Variants in TMOD3 observed in about 807,000 individuals in gnomAD.
TMOD3 encodes tropomodulin 3.
TMOD3 carries 20 observed loss-of-function variants against 39.2 expected under a neutral mutation model. The ratio of observed to expected loss-of-function variants is 0.51; its 90% CI spans 0.36 to 0.74. The LOEUF is 0.74. Ranked by LOEUF, TMOD3 falls within the 30% of genes least tolerant of loss-of-function variation. The pLI, the probability that TMOD3 is intolerant of heterozygous loss-of-function variation, is 0.00. For missense variants in TMOD3, 381 were observed against 412.8 expected (o/e 0.92, Z 0.67); for synonymous variants, 143 against 145.8 (o/e 0.98, Z 0.14).
chr15:51,847,388 G>T (rs1419288763), intron 1 of TMOD3, among the ~76,000 whole-genome samples: 2 of 152,150 alleles, frequency 1.3e-5, no homozygotes, highest in Admixed American at 1.3e-4. Context: ...GAAAGACAGG[G>T]CTACTTAGGT....
At chr15:51,861,019 G>A in intron 1 of TMOD3, 2 of 695,628 alleles carry the variant, frequency 2.9e-6, no homozygotes, top group South Asian at 1.4e-5. Context: ...AAAACACCTT[G>A]TACCTGGTGT....
In TMOD3 at chr15:51,837,645, C is replaced by T. The variant is rs573496595; in HGVS notation, c.-75+7809C>T. On this transcript the variant is annotated intron_variant, in intron 1 of 9. Coordinates refer to ENST00000308580, the MANE Select transcript of TMOD3 (RefSeq NM_014547.5). ...GGACCAAGGCAGATGTGTAGGATTT[C>T]ACCTCTGCAAGGCCTTCGGGGCAGG... is the stretch of plus-strand genomic sequence containing the variant. 8.5e-5 allele frequency among the ~76,000 whole-genome samples: 13 copies of T among 152,300 alleles called. No homozygotes were observed. The South Asian group carries it at 2.7e-3, about 32-fold the overall frequency.
intron 1 of TMOD3, among the ~76,000 whole-genome samples, chr15:51,834,228 G>A (rs2056270080): frequency 6.6e-6 from 1 of 151,906 alleles, no homozygotes; most frequent in South Asian, 2.1e-4. Context: ...TTTTTATACA[G>A]TCTGTCCCTT....
At chr15:51,885,975 C>T (rs1392128912) in intron 3 of TMOD3, among the ~76,000 whole-genome samples, 1 of 151,126 alleles carries the variant, frequency 6.6e-6, no homozygotes, top group African/African-American at 2.4e-5. Flanking sequence ...CCCCCTACCT[C>T]CCTCCCGGAC....
In TMOD3 at chr15:51,910,293, G is replaced by A. The variant is rs1040139094; in HGVS notation, c.*1483G>A. The A allele has an allele frequency of 1.3e-5, 2 of 152,304 alleles. No homozygotes were observed. The highest frequency in any genetic ancestry group is 4.8e-5 in the African/African-American group (2 of 41,524). The allele number at this position is 152,304 out of a possible 1,614,324, so 9.4% of individuals were successfully genotyped here. On this transcript the variant is annotated 3_prime_UTR_variant, in exon 10 of 10. Coordinates refer to ENST00000308580, the MANE Select transcript of TMOD3 (RefSeq NM_014547.5). ...TTATTAATTTTTTTTAAACTTTTTGGGCCGGGCGCAGTGGCTCACGCCTGT... is the reference window on the plus strand; with the variant it reads ...TTATTAATTTTTTTTAAACTTTTTGAGCCGGGCGCAGTGGCTCACGCCTGT...
At chr15:51,889,348 A>G (rs545947021) in intron 5 of TMOD3, among the ~76,000 whole-genome samples, 2 of 152,224 alleles carry the variant, frequency 1.3e-5, no homozygotes, top group African/African-American at 4.8e-5. Context: ...CAAATGTAAT[A>G]AGAACCACTC....
At chr15:51,831,389 G>T (rs961305308) in intron 1 of TMOD3, among the ~76,000 whole-genome samples, 10 of 152,126 alleles carry the variant, frequency 6.6e-5, no homozygotes, top group African/African-American at 2.4e-4. Context: ...CAACAGAAAG[G>T]CCCTGAATGG....
intron 4 of TMOD3, 48 bp from the exon 5 acceptor site, chr15:51,889,008 A>G (rs984778120): frequency 3.2e-5 from 41 of 1,266,300 alleles, no homozygotes; most frequent in Non-Finnish European, 4.5e-5. Flanking sequence ...TAGTTGTAAA[A>G]CTCTTCATGT....
intron 1 of TMOD3, among the ~76,000 whole-genome samples, chr15:51,847,832 A>G (rs2056343249): frequency 6.6e-6 from 1 of 152,212 alleles, no homozygotes; most frequent in Admixed American, 6.5e-5. Flanking sequence ...ATGTGTGCCA[A>G]TACAGTGCTT....
intron 7 of TMOD3, among the ~76,000 whole-genome samples, chr15:51,899,651 G>A (rs2570220): frequency 0.049 from 7,353 of 150,456 alleles, 412 homozygotes; most frequent in African/African-American, 0.12. Context: ...GGGTGACAGG[G>A]CAAGACCCTG....
At position 51,887,548 on chromosome 15, in the gene TMOD3, T is replaced by C. The variant is rs373527228; in HGVS notation, c.284-41T>C. On this transcript the variant is annotated intron_variant, in intron 3 of 9. Transcript: ENST00000308580. Reference sequence around the variant, plus strand: ...CAAGGATAAAATGGTAATGAGTTGATAGCAGTAGTAATGGAATTAACAAAA... The same window carrying C: ...CAAGGATAAAATGGTAATGAGTTGACAGCAGTAGTAATGGAATTAACAAAA... 5.6e-6 allele frequency: 9 copies of C among 1,596,384 alleles called. No individual in the cohort carries two copies. In the African/African-American group the frequency reaches 9.5e-5, roughly 17 times the overall value.
chr15:51,839,238 T>C (rs2056301969), intron 1 of TMOD3, among the ~76,000 whole-genome samples: 1 of 149,532 alleles, frequency 6.7e-6, no homozygotes, highest in African/African-American at 2.5e-5. Flanking sequence ...GGTGTGATCA[T>C]AGGTCCCTGC....
intron 3 of TMOD3, among the ~76,000 whole-genome samples, chr15:51,879,999 A>G (rs1318327554): frequency 6.6e-6 from 1 of 152,194 alleles, no homozygotes; most frequent in Non-Finnish European, 1.5e-5. Flanking sequence ...TATAAGGGAG[A>G]TCTATTGAAT....
chr15:51,871,834 G>A (rs570790735), intron 3 of TMOD3, among the ~76,000 whole-genome samples: 2 of 152,130 alleles, frequency 1.3e-5, no homozygotes, highest in Non-Finnish European at 2.9e-5. Context: ...TTTTAGATGG[G>A]TAAGAATAAA....
intron 3 of TMOD3, among the ~76,000 whole-genome samples, chr15:51,877,977 C>A (rs2056513609): frequency 6.6e-6 from 1 of 152,154 alleles, no homozygotes. Context: ...TGACCCTCTG[C>A]ACAACTCCTG....
intron 3 of TMOD3, among the ~76,000 whole-genome samples, chr15:51,873,108 G>T (rs919323757): frequency 6.6e-6 from 1 of 152,278 alleles, no homozygotes; most frequent in East Asian, 1.9e-4. Context: ...AAAGCAGTTA[G>T]CCTTAGTTAT....
intron 1 of TMOD3, among the ~76,000 whole-genome samples, chr15:51,847,106 A>G (rs2056339754): frequency 6.6e-6 from 1 of 152,336 alleles, no homozygotes; most frequent in East Asian, 1.9e-4. Flanking sequence ...CACCTACAAG[A>G]GAGCCACGAA....
At chr15:51,893,074 G>A (rs1488104092) in intron 5 of TMOD3, among the ~76,000 whole-genome samples, 1 of 149,260 alleles carries the variant, frequency 6.7e-6, no homozygotes, top group African/African-American at 2.5e-5. Flanking sequence ...GGCAGGCAGA[G>A]CACTTGAGGC....
intron 3 of TMOD3, among the ~76,000 whole-genome samples, 184 bp downstream of exon 3, chr15:51,869,557 G>T (rs924770331): frequency 7.9e-5 from 12 of 152,120 alleles, no homozygotes; most frequent in Non-Finnish European, 1.8e-4. Flanking sequence ...TGGTCAATAA[G>T]TTTCTTCTTA....
Sources: allele counts gnomAD v4.1 joint callset (sites outside exome capture counted in the v4.1 genomes callset), GRCh38; gene constraint gnomAD v4.1.1; transcripts MANE v1.5; gene names NCBI Gene and HGNC (gene_info 2026-07-23, HGNC 2026-07-21).